The following AKAP13 variants were observed in gnomAD, a reference collection of about 807,000 sequenced individuals.
AKAP13 encodes the protein A-kinase anchoring protein 13, also known as A-kinase anchor protein 13.
AKAP13 carries 80 observed loss-of-function variants against 264.5 expected under a neutral mutation model. The ratio of observed to expected loss-of-function variants is 0.30; its 90% CI spans 0.25 to 0.36. The LOEUF (loss-of-function observed/expected upper bound fraction) is 0.36, where lower values mean the gene tolerates loss of function less well. Ranked by LOEUF, AKAP13 falls within the 10% of genes least tolerant of loss-of-function variation. The probability of loss-of-function intolerance (pLI) is 1.00; values close to 1 mark genes in which losing one functional copy is unlikely to be tolerated. For missense variants in AKAP13, 3,712 were observed against 3,435.2 expected (o/e 1.08, Z -2.01); for synonymous variants, 1,380 against 1,250.2 (o/e 1.10, Z -2.19).
intron 4 of AKAP13, among the ~76,000 whole-genome samples, chr15:85,537,468 T>TAGTTGC (rs2077439716): frequency 6.6e-6 from 1 of 152,244 alleles, no homozygotes; most frequent in African/African-American, 2.4e-5. Flanking sequence ...TTTAATTGTT[T>TAGTTGC]AGTTGCAGTG....
rs2079117083 is a variant in AKAP13, at chr15:85,579,689, A to G, written c.1621A>G (p.Ser541Gly). Residue 541 changes from serine (S) to glycine (G), a missense_variant, in exon 7 of 37, where the codon AGT becomes GGT. Coordinates refer to ENST00000394518, the MANE Select transcript of AKAP13 (RefSeq NM_007200.5). ...ISVPNCAPAA[S>G]SLDGNKPAES... The stretch of plus-strand genomic sequence containing the variant: ...TGTTCCAAACTGTGCCCCTGCTGCC[A>G]GTTCCCTGGATGGTAACAAACCTGC... 7 of 1,614,246 alleles carry G rather than the reference A, an allele frequency of 4.3e-6. No individual in the cohort carries two copies. The highest frequency in any genetic ancestry group is 5.1e-6 in the Non-Finnish European group (6 of 1,180,040).
chr15:85,486,519 C>T (rs889422643), intron 2 of AKAP13, among the ~76,000 whole-genome samples: 2 of 152,018 alleles, frequency 1.3e-5, no homozygotes, highest in African/African-American at 4.8e-5. Flanking sequence ...TTCTTTCTCC[C>T]ATTGAATTGT....
At chr15:85,408,443 G>A (rs921491924) in intron 1 of AKAP13, among the ~76,000 whole-genome samples, 1 of 151,686 alleles carries the variant, frequency 6.6e-6, no homozygotes, top group South Asian at 2.1e-4. Context: ...TCATGTTGCG[G>A]AACGGAAATT....
chr15:85,392,035 C>A (rs192963530), intron 1 of AKAP13, among the ~76,000 whole-genome samples: 2 of 151,652 alleles, frequency 1.3e-5, no homozygotes, highest in Admixed American at 1.3e-4. Flanking sequence ...CACCCACCTC[C>A]GCTTCCCAAA....
intron 1 of AKAP13, among the ~76,000 whole-genome samples, chr15:85,471,698 A>G (rs2074967843): frequency 6.6e-6 from 1 of 152,218 alleles, no homozygotes; most frequent in Non-Finnish European, 1.5e-5. Flanking sequence ...CCCTGGGTCC[A>G]GGCAAGCACT....
chr15:85,507,774 C>T (rs1344295418), intron 2 of AKAP13, among the ~76,000 whole-genome samples: 1 of 152,202 alleles, frequency 6.6e-6, no homozygotes, highest in Non-Finnish European at 1.5e-5. Context: ...CCCAAAGCAG[C>T]GGCAAGTGGG....
chr15:85,623,681 T>C (rs2081290096), intron 8 of AKAP13, among the ~76,000 whole-genome samples: 2 of 152,224 alleles, frequency 1.3e-5, no homozygotes, highest in African/African-American at 4.8e-5. Flanking sequence ...TTCTGAACTT[T>C]TTCTAAGTAA....
Position 85,467,248 on chromosome 15 carries a change from A to T in AKAP13, c.-11-18462A>T, listed in dbSNP as rs796631988. ...CCTTTATTTGATGTAGTTGATTCTA[A>T]ATATAGACCTTGCATATATGTATAT... On this transcript the variant is annotated intron_variant, in intron 1 of 36. Coordinates refer to ENST00000394518, the MANE Select transcript of AKAP13 (RefSeq NM_007200.5). Among the ~76,000 whole-genome samples, 6 of 152,272 alleles carry T rather than the reference A, an allele frequency of 3.9e-5. No individual in the cohort carries two copies. In the South Asian group the frequency reaches 1.2e-3, roughly 32 times the overall value.
At chr15:85,410,035 T>C (rs1031303783) in intron 1 of AKAP13, among the ~76,000 whole-genome samples, 2 of 151,750 alleles carry the variant, frequency 1.3e-5, no homozygotes, top group Non-Finnish European at 2.9e-5. Flanking sequence ...TCCTCCATTT[T>C]CCTTTAGAGG....
At chr15:85,413,740 A>G (rs543608479) in intron 1 of AKAP13, among the ~76,000 whole-genome samples, 1 of 152,144 alleles carries the variant, frequency 6.6e-6, no homozygotes. Flanking sequence ...TCTTAGCACA[A>G]TAGTTGTTTC....
At chr15:85,473,328 CAAGT>C (rs1357175680) in intron 1 of AKAP13, among the ~76,000 whole-genome samples, 2 of 151,950 alleles carry the variant, frequency 1.3e-5, no homozygotes, top group African/African-American at 4.8e-5. Flanking sequence ...GTGGAAGGCA[CAAGT>C]AAGAGAAGAT....
chr15:85,411,364 C>T (rs1192421141), intron 1 of AKAP13, among the ~76,000 whole-genome samples: 2 of 152,126 alleles, frequency 1.3e-5, no homozygotes, highest in Non-Finnish European at 2.9e-5. Context: ...GAAATATGCG[C>T]AAAGGAGTTC....
chr15:85,451,180 T>C (rs2074077178), intron 1 of AKAP13, among the ~76,000 whole-genome samples: 1 of 151,060 alleles, frequency 6.6e-6, no homozygotes, highest in South Asian at 2.1e-4. Flanking sequence ...TGCAACCTTT[T>C]TTGTGTTTCC....
At chr15:85,562,574 A>AAAAAATATATATATATATAT (rs1351834745) in intron 5 of AKAP13, among the ~76,000 whole-genome samples, 2 of 77,670 alleles carry the variant, frequency 2.6e-5, no homozygotes, top group African/African-American at 8.0e-5. Flanking sequence ...CAAAAAAAAA[A>AAAAAATATATATATATATAT]ATATATATAT....
intron 2 of AKAP13, among the ~76,000 whole-genome samples, chr15:85,520,362 G>A (rs1027774091): frequency 4.0e-5 from 6 of 151,892 alleles, no homozygotes; most frequent in Non-Finnish European, 7.4e-5. Flanking sequence ...GCTGGGCGTG[G>A]TGGTGGGTGC....
rs536801290 is a variant in AKAP13, at chr15:85,467,936, C to T, written c.-11-17774C>T. On this transcript the variant is annotated intron_variant, in intron 1 of 36. Transcript: ENST00000394518. ...TTGACGGAGGCAGAGTTGAGGAGGA[C>T]ATTTTTGATGCCTGATTTCTGATAT... Among the ~76,000 whole-genome samples, 3 of 152,288 alleles carry T rather than the reference C, an allele frequency of 2.0e-5. No homozygotes were observed. The South Asian group carries it at 6.2e-4, about 32-fold the overall frequency.
chr15:85,740,760 CA>C, intron 34 of AKAP13, among the ~76,000 whole-genome samples: 1 of 130,622 alleles, frequency 7.7e-6, no homozygotes, highest in African/African-American at 3.1e-5. Flanking sequence ...CACACAGACA[CA>C]CACACACACA....
chr15:85,663,421 A>T (rs566349668), intron 12 of AKAP13, among the ~76,000 whole-genome samples: 22 of 152,296 alleles, frequency 1.4e-4, no homozygotes, highest in Non-Finnish European at 8.8e-5. Flanking sequence ...TGTTTAGTTT[A>T]CCTACTAGAG....
intron 1 of AKAP13, among the ~76,000 whole-genome samples, chr15:85,437,132 G>C (rs1383039281): frequency 6.8e-6 from 1 of 147,576 alleles, no homozygotes; most frequent in Admixed American, 6.8e-5. Context: ...AAATGATAAA[G>C]GGGATATCAC....
Sources: allele counts gnomAD v4.1 joint callset (sites outside exome capture counted in the v4.1 genomes callset), GRCh38; gene constraint gnomAD v4.1.1; transcripts MANE v1.5; gene names NCBI Gene and HGNC (gene_info 2026-07-23, HGNC 2026-07-21).